ARB2A: variants seen among roughly 807,000 people sequenced by gnomAD.
The protein encoded by ARB2A is ARB2 cotranscriptional regulator A.
At chr5:94,051,385 T>C in the ARB2A span, among the ~76,000 whole-genome samples, 2 of 152,214 alleles carry the variant, frequency 1.3e-5, no homozygotes, top group African/African-American at 2.4e-5. Flanking sequence ...ACAGGTAGAA[T>C]GTCAAATGAA....
the ARB2A span, among the ~76,000 whole-genome samples, chr5:93,992,872 A>G: frequency 1.8e-4 from 27 of 152,122 alleles, no homozygotes; most frequent in Non-Finnish European, 3.8e-4. Context: ...AGTTAAAAAC[A>G]AAACATAAAC....
chr5:94,082,890 T>A, the ARB2A span, among the ~76,000 whole-genome samples: 1 of 152,192 alleles, frequency 6.6e-6, no homozygotes. Context: ...AATTTGAAAC[T>A]TCAAGTCACA....
At chr5:93,899,141 T>C in the ARB2A span, among the ~76,000 whole-genome samples, 1 of 152,128 alleles carries the variant, frequency 6.6e-6, no homozygotes, top group African/African-American at 2.4e-5. Flanking sequence ...ATAGCACATA[T>C]ATATAGATGG....
At chr5:93,805,629 A>T in the ARB2A span, 2 of 985,176 alleles carry the variant, frequency 2.0e-6, no homozygotes, top group Non-Finnish European at 2.4e-6. Flanking sequence ...ACATTTCTCC[A>T]ATTTGGGTCC....
At chr5:93,930,057 G>A in the ARB2A span, among the ~76,000 whole-genome samples, 9 of 152,068 alleles carry the variant, frequency 5.9e-5, no homozygotes, top group Admixed American at 3.9e-4. Flanking sequence ...CAAATTCAGA[G>A]GTCTAGAAAC....
the ARB2A span, among the ~76,000 whole-genome samples, chr5:94,001,995 T>C: frequency 6.6e-6 from 1 of 151,932 alleles, no homozygotes; most frequent in Admixed American, 6.6e-5. Context: ...ACTGTACTTA[T>C]ACCTCTAAAC....
chr5:94,093,299 C>T, the ARB2A span, among the ~76,000 whole-genome samples: 5 of 151,944 alleles, frequency 3.3e-5, no homozygotes, highest in African/African-American at 9.7e-5. Context: ...TCTGCTTGAG[C>T]GGCCATACAA....
At chr5:94,064,499 C>A in the ARB2A span, among the ~76,000 whole-genome samples, 1 of 152,110 alleles carries the variant, frequency 6.6e-6, no homozygotes, top group Non-Finnish European at 1.5e-5. Flanking sequence ...GCACATAAAT[C>A]CCCAATCAAA....
the ARB2A span, among the ~76,000 whole-genome samples, chr5:93,851,699 T>C: frequency 2.9e-4 from 44 of 152,038 alleles, no homozygotes; most frequent in African/African-American, 8.5e-4. Context: ...TGAGAATATG[T>C]GGTGTTTGGT....
chr5:94,041,894 C>G, the ARB2A span, among the ~76,000 whole-genome samples: 1 of 151,770 alleles, frequency 6.6e-6, no homozygotes, highest in Non-Finnish European at 1.5e-5. Context: ...GTCTCCACAT[C>G]TAGCACATAA....
the ARB2A span, among the ~76,000 whole-genome samples, chr5:93,636,376 T>A: frequency 1.3e-5 from 2 of 152,208 alleles, no homozygotes; most frequent in Admixed American, 1.3e-4. Flanking sequence ...TAATCTCTAA[T>A]GTGGTGGTAT....
chr5:93,763,569 GA>G, the ARB2A span, among the ~76,000 whole-genome samples: 4 of 152,144 alleles, frequency 2.6e-5, no homozygotes, highest in Non-Finnish European at 5.9e-5. Flanking sequence ...GACCTACAAA[GA>G]GACTTAGACT....
the ARB2A span, chr5:93,824,393 AAAAT>A: frequency 9.8e-6 from 5 of 510,900 alleles, no homozygotes; most frequent in Non-Finnish European, 1.6e-5. Context: ...ATTCAAAATA[AAAAT>A]AATATAAAAG....
the ARB2A span, among the ~76,000 whole-genome samples, chr5:93,627,158 G>C: frequency 3.3e-5 from 5 of 152,134 alleles, no homozygotes; most frequent in African/African-American, 9.6e-5. Flanking sequence ...ACATCTTCAG[G>C]CTCCACTTCT....
At chr5:93,821,588 T>C in the ARB2A span, among the ~76,000 whole-genome samples, 2 of 152,100 alleles carry the variant, frequency 1.3e-5, no homozygotes, top group Non-Finnish European at 2.9e-5. Flanking sequence ...TTTAACACCA[T>C]GAGTTTTTAA....
At chr5:94,044,587 G>A in the ARB2A span, among the ~76,000 whole-genome samples, 2 of 152,206 alleles carry the variant, frequency 1.3e-5, no homozygotes, top group East Asian at 1.9e-4. Flanking sequence ...TGTCACAGGC[G>A]TTTGAACCAG....
At chr5:93,639,829 G>A in the ARB2A span, among the ~76,000 whole-genome samples, 4 of 151,610 alleles carry the variant, frequency 2.6e-5, no homozygotes, top group South Asian at 2.1e-4. Flanking sequence ...GGAGAATCAC[G>A]AGGTCAGGAG....
chr5:94,085,907 TA>T, the ARB2A span, among the ~76,000 whole-genome samples: 2 of 152,184 alleles, frequency 1.3e-5, no homozygotes, highest in African/African-American at 4.8e-5. Flanking sequence ...CAATATCATT[TA>T]TATTGAGCTA....
At chr5:93,824,485 A>T in the ARB2A span, among the ~76,000 whole-genome samples, 1 of 152,132 alleles carries the variant, frequency 6.6e-6, no homozygotes, top group African/African-American at 2.4e-5. Context: ...AAAAGATAAA[A>T]ATTAAAAAAA....
Sources: gnomAD v4.1 joint callset for allele counts (sites outside exome capture counted in the v4.1 genomes callset) on GRCh38, gnomAD v4.1.1 for gene constraint, MANE v1.5 for transcripts, NCBI Gene and HGNC (gene_info 2026-07-23, HGNC 2026-07-21) for gene names.